Variants in CRYL1 observed in about 807,000 individuals in gnomAD.
The protein encoded by CRYL1 is crystallin lambda 1.
CRYL1 carries 29 observed loss-of-function variants against 36.6 expected under a neutral mutation model. The ratio of observed to expected loss-of-function variants is 0.79; its 90% CI spans 0.59 to 1.08. The LOEUF is 1.08. Among genes scored for constraint, CRYL1 ranks in the 50% least tolerant of loss-of-function variants. The probability of loss-of-function intolerance (pLI) is 0.00; values close to 1 mark genes in which losing one functional copy is unlikely to be tolerated. For synonymous variants in CRYL1, 152 were observed against 151.5 expected (o/e 1.00, Z -0.02); for missense variants, 411 against 407.9 (o/e 1.01, Z -0.06).
At chr13:20,518,672 G>T (rs1027951635) in intron 1 of CRYL1, among the ~76,000 whole-genome samples, 1 of 152,150 alleles carries the variant, frequency 6.6e-6, no homozygotes, top group African/African-American at 2.4e-5. Context: ...AGAATATACT[G>T]CAGAAGGGCA....
At chr13:20,447,457 T>G (rs941165485) in intron 3 of CRYL1, among the ~76,000 whole-genome samples, 4 of 151,924 alleles carry the variant, frequency 2.6e-5, no homozygotes, top group African/African-American at 9.7e-5. Context: ...ACTGAGTAGG[T>G]CCGACCCCCA....
At chr13:20,466,682 C>G (rs997561166) in intron 3 of CRYL1, among the ~76,000 whole-genome samples, 16 of 129,580 alleles carry the variant, frequency 1.2e-4, no homozygotes, top group South Asian at 6.3e-4. Context: ...TTGGAAAACT[C>G]TGTGTGTGTG....
chr13:20,448,717 GT>G (rs1271436511), intron 3 of CRYL1, among the ~76,000 whole-genome samples: 1 of 152,144 alleles, frequency 6.6e-6, no homozygotes, highest in Non-Finnish European at 1.5e-5. Context: ...CAGCAAAAAT[GT>G]CTTTCACAAA....
chr13:20,523,176 C>T (rs1302175941), intron 1 of CRYL1, among the ~76,000 whole-genome samples: 1 of 152,052 alleles, frequency 6.6e-6, no homozygotes, highest in Non-Finnish European at 1.5e-5. Context: ...CTAGGCCTCC[C>T]AAAGTGCTGA....
intron 6 of CRYL1, among the ~76,000 whole-genome samples, chr13:20,412,491 A>G (rs1370514125): frequency 6.6e-6 from 1 of 152,240 alleles, no homozygotes; most frequent in African/African-American, 2.4e-5. Context: ...TCTCAGTACC[A>G]AGAGATAGCT....
chr13:20,489,564 C>T (rs1418534764), intron 2 of CRYL1, 68 bp from the exon 3 acceptor site: 37 of 1,563,790 alleles, frequency 2.4e-5, no homozygotes, highest in Non-Finnish European at 3.1e-5. Flanking sequence ...TAAAGCCCAA[C>T]ATCAGGAATC....
intron 2 of CRYL1, among the ~76,000 whole-genome samples, chr13:20,505,439 G>A (rs1429238522): frequency 2.0e-5 from 3 of 151,356 alleles, no homozygotes; most frequent in East Asian, 3.9e-4. Flanking sequence ...AGAAAAAAGT[G>A]TATGAGGAAT....
chr13:20,524,995 A>C (rs1003851161), intron 1 of CRYL1, among the ~76,000 whole-genome samples: 1 of 145,636 alleles, frequency 6.9e-6, no homozygotes, highest in Non-Finnish European at 1.5e-5. Flanking sequence ...AGGTACATAC[A>C]AATGCCCCTT....
At chr13:20,431,068 A>T (rs1311567817) in intron 5 of CRYL1, 1 of 985,324 alleles carries the variant, frequency 1.0e-6, no homozygotes, top group Non-Finnish European at 1.2e-6. Flanking sequence ...GTCCAGTCAG[A>T]CAATGTACCT....
chr13:20,465,378 A>C (rs4770035), intron 3 of CRYL1, among the ~76,000 whole-genome samples: 52,254 of 152,150 alleles, frequency 0.34, 11,321 homozygotes, highest in East Asian at 0.8. Flanking sequence ...AGAAACAAAT[A>C]ACAAACTTTA....
At chr13:20,445,335 T>C (rs1232330016) in intron 3 of CRYL1, among the ~76,000 whole-genome samples, 1 of 152,132 alleles carries the variant, frequency 6.6e-6, no homozygotes, top group Non-Finnish European at 1.5e-5. Context: ...GGGGAAATGT[T>C]GGCATTCAGG....
chr13:20,509,642 A>C (rs1263522684), intron 2 of CRYL1, among the ~76,000 whole-genome samples: 1 of 152,298 alleles, frequency 6.6e-6, no homozygotes, highest in East Asian at 1.9e-4. Flanking sequence ...AGGAGATGCC[A>C]TTAGGCCAGG....
chr13:20,508,848 CAAAAAAAAAA>C (rs1179533995), intron 2 of CRYL1, among the ~76,000 whole-genome samples: 2 of 10,452 alleles, frequency 1.9e-4, no homozygotes, highest in East Asian at 4.2e-3. Flanking sequence ...AGCGAGACTC[CAAAAAAAAAA>C]AAAAAAAAAA....
intron 3 of CRYL1, among the ~76,000 whole-genome samples, chr13:20,461,792 A>C (rs949562004): frequency 2.0e-5 from 3 of 151,958 alleles, no homozygotes; most frequent in African/African-American, 7.3e-5. Flanking sequence ...TGGGTGTCTA[A>C]GGTGAACAGA....
intron 1 of CRYL1, among the ~76,000 whole-genome samples, chr13:20,523,783 C>T (rs528334114): frequency 1.1e-4 from 17 of 152,076 alleles, no homozygotes; most frequent in Non-Finnish European, 2.2e-4. Context: ...ATTATGTGGT[C>T]CTTAAAGTTT....
chr13:20,461,235 C>T (rs866193168), intron 3 of CRYL1, among the ~76,000 whole-genome samples: 2 of 152,186 alleles, frequency 1.3e-5, no homozygotes, highest in Non-Finnish European at 2.9e-5. Flanking sequence ...ACACTGCAAA[C>T]ATTTTTCTTG....
At chr13:20,477,933 A>C (rs2033198741) in intron 3 of CRYL1, among the ~76,000 whole-genome samples, 1 of 146,166 alleles carries the variant, frequency 6.8e-6, no homozygotes, top group East Asian at 2.0e-4. Context: ...ATTACAGTAT[A>C]TTATATATTA....
chr13:20,439,518 A>AAAAAAAAAAAAAAAAAAAAAAAAAAC, intron 4 of CRYL1, 75 bp downstream of exon 4: 3 of 722,140 alleles, frequency 4.2e-6, no homozygotes, highest in South Asian at 2.6e-5. Context: ...CCCCCGCAAA[A>AAAAAAAAAAAAAAAAAAAAAAAAAAC]AAAAAAAAAA....
At chr13:20,405,098 C>T (rs550410438) in intron 6 of CRYL1, among the ~76,000 whole-genome samples, 5 of 152,252 alleles carry the variant, frequency 3.3e-5, no homozygotes, top group South Asian at 2.1e-4. Context: ...GGTGAAACCC[C>T]GTCTCTACTA....
Sources: gnomAD v4.1 joint callset for allele counts (sites outside exome capture counted in the v4.1 genomes callset) on GRCh38, gnomAD v4.1.1 for gene constraint, MANE v1.5 for transcripts, NCBI Gene and HGNC (gene_info 2026-07-23, HGNC 2026-07-21) for gene names.